The following STPG1 variants were observed in gnomAD, a reference collection of about 807,000 sequenced individuals.
STPG1 encodes sperm tail PG-rich repeat containing 1.
STPG1 carries 33 observed loss-of-function variants against 40.1 expected under a neutral mutation model. The observed-to-expected ratio is 0.82, with a 90% CI of 0.62 to 1.10. The LOEUF (loss-of-function observed/expected upper bound fraction) is 1.10, where lower values mean the gene tolerates loss of function less well. Ranked by LOEUF, STPG1 falls within the 50% of genes least tolerant of loss-of-function variation. The probability of loss-of-function intolerance (pLI) is 0.00; values close to 1 mark genes in which losing one functional copy is unlikely to be tolerated. For missense variants in STPG1, 396 were observed against 415.1 expected (o/e 0.95, Z 0.40); for synonymous variants, 150 against 155.0 (o/e 0.97, Z 0.24).
intron 7 of STPG1, among the ~76,000 whole-genome samples, chr1:24,368,133 C>A (rs1480623713): frequency 1.3e-5 from 2 of 152,216 alleles, no homozygotes. Flanking sequence ...GCCCTACAGC[C>A]TGTACAAGGC....
At chr1:24,362,000 G>A (rs1047858151) in intron 7 of STPG1, among the ~76,000 whole-genome samples, 4 of 152,138 alleles carry the variant, frequency 2.6e-5, no homozygotes, top group African/African-American at 9.7e-5. Flanking sequence ...TAGAAGGGCC[G>A]CCTCCTTCTG....
rs11249094 is a variant in STPG1 at position 24,361,182 on chromosome 1, C to T, written c.738-141G>A. 1,032 of 711,488 alleles carry T rather than the reference C, an allele frequency of 1.5e-3. 19 individuals are homozygous for T. Among genetic ancestry groups the T allele is most frequent in the South Asian group, 0.014 (550 of 39,602 alleles). The allele number at this position is 711,488 out of a possible 1,614,324, so 44.1% of individuals were successfully genotyped here. On this transcript the variant is annotated intron_variant, in intron 7 of 8. Transcript: ENST00000337248. Reference sequence around the variant, plus strand: ...CGGCACTGGGGCAGAGCCCTAGCTCCACTGGTAGTGAGCTGGGGACCCCTG... The same window carrying T: ...CGGCACTGGGGCAGAGCCCTAGCTCTACTGGTAGTGAGCTGGGGACCCCTG...
At chr1:24,361,378 G>A (rs187998795) in intron 7 of STPG1, among the ~76,000 whole-genome samples, 2 of 152,150 alleles carry the variant, frequency 1.3e-5, no homozygotes, top group South Asian at 2.1e-4. Flanking sequence ...GAAATGGCAG[G>A]CCGTGTATAT....
In STPG1 at chr1:24,392,139, C is replaced by A. The variant is rs72880671; in HGVS notation, c.71-460G>T. 2.2e-3 allele frequency: 2,107 copies of A among 952,312 alleles called. 21 individuals carry two copies. The African/African-American group carries it at 0.025, about 11-fold the overall frequency. The allele number at this position is 952,312 out of a possible 1,614,324, so 59.0% of individuals were successfully genotyped here. ...GGGAAATCCCAGCCTGGGGCTGGCT[C>A]TCACTTTTCAGGGCACTGTGCAAGA... is the stretch of plus-strand genomic sequence containing the variant. On this transcript the variant is annotated intron_variant, in intron 2 of 8. Coordinates refer to ENST00000337248, the MANE Select transcript of STPG1 (RefSeq NM_001199013.2).
At chr1:24,372,189 A>T (rs1641784459) in intron 6 of STPG1, among the ~76,000 whole-genome samples, 1 of 152,092 alleles carries the variant, frequency 6.6e-6, no homozygotes, top group South Asian at 2.1e-4. Context: ...AAAAAAACAA[A>T]ACAAAACAAA....
intron 2 of STPG1, 150 bp from the exon 3 acceptor site, chr1:24,391,829 A>T (rs1642785521): frequency 9.5e-6 from 10 of 1,055,706 alleles, no homozygotes; most frequent in African/African-American, 3.3e-5. Flanking sequence ...AAACCGGATT[A>T]AAAAAAAAAT....
chr1:24,391,394 T>TA, intron 3 of STPG1, 167 bp downstream of exon 3: 1 of 439,712 alleles, frequency 2.3e-6, no homozygotes, highest in Non-Finnish European at 4.1e-6. Context: ...GGCTCGTTCT[T>TA]ACAGTTAGTC....
At chr1:24,362,524 T>C (rs1641189411) in intron 7 of STPG1, among the ~76,000 whole-genome samples, 1 of 152,212 alleles carries the variant, frequency 6.6e-6, no homozygotes, top group African/African-American at 2.4e-5. Flanking sequence ...TGACACTAAC[T>C]TTATAAAGGA....
intron 5 of STPG1, among the ~76,000 whole-genome samples, chr1:24,375,504 G>A (rs1641981498): frequency 6.6e-6 from 1 of 152,202 alleles, no homozygotes; most frequent in South Asian, 2.1e-4. Context: ...GGCAAACAAA[G>A]AGACCAGATG....
At chr1:24,379,058 A>G (rs1369986514) in intron 5 of STPG1, among the ~76,000 whole-genome samples, 1 of 152,236 alleles carries the variant, frequency 6.6e-6, no homozygotes, top group African/African-American at 2.4e-5. Context: ...GTGAACATAC[A>G]TCACCATTTT....
At chr1:24,410,919 T>C (rs960411523) in intron 1 of STPG1, 2 of 152,192 alleles carry the variant, frequency 1.3e-5, no homozygotes, top group Non-Finnish European at 2.9e-5. Flanking sequence ...TATCCAGTCC[T>C]GGGTTCAAGG....
chr1:24,358,493 G>T lies in STPG1; in HGVS notation c.*50C>A. 6.8e-7 allele frequency: 1 copy of T among 1,465,764 alleles called. No homozygotes were observed. The allele number at this position is 1,465,764 out of a possible 1,614,324, so 90.8% of individuals were successfully genotyped here. The stretch of plus-strand genomic sequence containing the variant: ...TCCTGAGGAATGTCCTGGGGACGCT[G>T]GGCAGGGTGGGCTGGTGGCTGGAGT... On this transcript the variant is annotated 3_prime_UTR_variant, in exon 9 of 9. Transcript: ENST00000337248.
intron 6 of STPG1, among the ~76,000 whole-genome samples, chr1:24,372,206 A>C (rs12038114): frequency 0.14 from 21,578 of 152,018 alleles, 2,036 homozygotes; most frequent in East Asian, 0.3. Flanking sequence ...CAAAACAAAA[A>C]CAAAAAAATC....
At chr1:24,389,982 T>C (rs1642691234) in intron 3 of STPG1, among the ~76,000 whole-genome samples, 1 of 152,216 alleles carries the variant, frequency 6.6e-6, no homozygotes, top group Non-Finnish European at 1.5e-5. Flanking sequence ...TTCAGCGTTC[T>C]CATCTACCAA....
intron 5 of STPG1, among the ~76,000 whole-genome samples, chr1:24,374,874 C>T (rs1170660893): frequency 2.0e-5 from 3 of 151,990 alleles, no homozygotes; most frequent in Non-Finnish European, 4.4e-5. Context: ...GATCTGCCCA[C>T]CTCGGCCTCC....
At chr1:24,401,116 T>A (rs1202902712) in intron 2 of STPG1, 1 of 459,512 alleles carries the variant, frequency 2.2e-6, no homozygotes, top group African/African-American at 2.0e-5. Context: ...ACAGACTTCC[T>A]CCTTCTTCTC....
In STPG1 at chr1:24,399,642, A is replaced by C. The variant is rs1643140155; in HGVS notation, c.70+1677T>G. On this transcript the variant is annotated intron_variant, in intron 2 of 8. Coordinates refer to ENST00000337248, the MANE Select transcript of STPG1 (RefSeq NM_001199013.2). The surrounding 1 kb of genome is among the most constrained non-coding windows in gnomAD (Gnocchi z 4.0). ...GATGACATTTACCTACAGCTAACAA[A>C]TGACTTGTTTCTAGAATAAAGAATC... Among the ~76,000 whole-genome samples, 1 of 152,136 alleles carries C rather than the reference A, an allele frequency of 6.6e-6. No homozygotes were observed. Among genetic ancestry groups the C allele is most frequent in the Non-Finnish European group, 1.5e-5 (1 of 68,006 alleles).
At chr1:24,407,441 T>TG (rs1643454786) in intron 1 of STPG1, among the ~76,000 whole-genome samples, 1 of 141,484 alleles carries the variant, frequency 7.1e-6, no homozygotes, top group Non-Finnish European at 1.5e-5. Context: ...TCAAGTTCAC[T>TG]GATTTTTTTT....
At chr1:24,391,526 C>CT (rs1642770979) in intron 3 of STPG1, 35 bp downstream of exon 3, 2 of 1,352,134 alleles carry the variant, frequency 1.5e-6, no homozygotes, top group Non-Finnish European at 2.1e-6. Flanking sequence ...AAAATCCAGA[C>CT]TAAAACGAAA....
Sources: allele counts gnomAD v4.1 joint callset (sites outside exome capture counted in the v4.1 genomes callset), GRCh38; gene constraint gnomAD v4.1.1; non-coding constraint Gnocchi (gnomAD v3.1); transcripts MANE v1.5; gene names NCBI Gene and HGNC (gene_info 2026-07-23, HGNC 2026-07-21).